PDE10A: variants seen among roughly 807,000 people sequenced by gnomAD.
The protein encoded by PDE10A is cAMP and cAMP-inhibited cGMP 3',5'-cyclic phosphodiesterase 10A.
A neutral mutation model predicts 97.7 loss-of-function variants in PDE10A; 39 were observed. The observed-to-expected ratio is 0.40, with a 90% CI of 0.31 to 0.52. The LOEUF (loss-of-function observed/expected upper bound fraction) is 0.52. Ranked by LOEUF, PDE10A falls within the 20% of genes least tolerant of loss-of-function variation. The pLI, the probability that PDE10A is intolerant of heterozygous loss-of-function variation, is 0.56. For missense variants in PDE10A, 731 were observed against 1,047.8 expected (o/e 0.70, Z 4.17); for synonymous variants, 371 against 376.8 (o/e 0.98, Z 0.18).
chr6:165,369,254 G>C (rs190831071), intron 18 of PDE10A, among the ~76,000 whole-genome samples: 137 of 152,260 alleles, frequency 9.0e-4, no homozygotes, highest in Non-Finnish European at 1.6e-3. Context: ...GCTGAGAGCA[G>C]AAGGCTTCAG....
At chr6:165,917,253 C>T (rs1336492603) in intron 1 of PDE10A, among the ~76,000 whole-genome samples, 1 of 152,210 alleles carries the variant, frequency 6.6e-6, no homozygotes, top group African/African-American at 2.4e-5. Flanking sequence ...CAGCGGACAT[C>T]TCTTCCTGCT....
chr6:165,495,179 T>C (rs1192919576), intron 2 of PDE10A, among the ~76,000 whole-genome samples: 1 of 152,152 alleles, frequency 6.6e-6, no homozygotes, highest in Non-Finnish European at 1.5e-5. Context: ...GAAAATGACT[T>C]AAATTTCGTG....
chr6:165,512,167 C>G (rs1781543244), intron 2 of PDE10A, among the ~76,000 whole-genome samples: 1 of 151,734 alleles, frequency 6.6e-6, no homozygotes, highest in African/African-American at 2.4e-5. Context: ...AGTCCTTTCT[C>G]TTTCTGATTT....
At chr6:165,374,460 G>C (rs1188171544) in intron 18 of PDE10A, among the ~76,000 whole-genome samples, 1 of 151,598 alleles carries the variant, frequency 6.6e-6, no homozygotes, top group Non-Finnish European at 1.5e-5. Context: ...AATAAAAGCT[G>C]ATATATAAAA....
At chr6:165,958,866 C>T (rs1784275692) in intron 1 of PDE10A, among the ~76,000 whole-genome samples, 1 of 152,192 alleles carries the variant, frequency 6.6e-6, no homozygotes, top group Admixed American at 6.5e-5. Context: ...GCTTCCTCCC[C>T]TCTTGCTTCT....
chr6:165,895,793 T>C (rs1781926606), intron 1 of PDE10A, among the ~76,000 whole-genome samples: 2 of 152,122 alleles, frequency 1.3e-5, no homozygotes, highest in South Asian at 4.1e-4. Context: ...GGCCTCGGCA[T>C]CCTCAGTACT....
At position 165,494,466 on chromosome 6, in the gene PDE10A, G is replaced by A. The variant is rs1000085937; in HGVS notation, c.995-12123C>T. 3.7e-5 allele frequency among the ~76,000 whole-genome samples: 5 copies of A among 134,122 alleles called. 1 individual carries two copies. Among genetic ancestry groups the A allele is most frequent in the African/African-American group, 1.2e-4 (4 of 33,212 alleles). The allele number at this position is 134,122 out of a possible 152,430, so 88.0% of individuals were successfully genotyped here. ...GGATAAAGAAAATGTGGGGGGGGGTGTGTGTGTGTGTAATACACACAACAA... is the reference window on the plus strand; with the variant it reads ...GGATAAAGAAAATGTGGGGGGGGGTATGTGTGTGTGTAATACACACAACAA... On this transcript the variant is annotated intron_variant, in intron 2 of 21. Coordinates refer to ENST00000539869, the MANE Select transcript of PDE10A (RefSeq NM_001385079.1).
At chr6:165,745,613 TAGTC>T (rs752629729) in intron 1 of PDE10A, among the ~76,000 whole-genome samples, 3 of 152,368 alleles carry the variant, frequency 2.0e-5, no homozygotes, top group South Asian at 4.1e-4. Flanking sequence ...ATATAAAACT[TAGTC>T]AGATAATGTC....
At chr6:165,700,729 T>G (rs9355545) in intron 1 of PDE10A, among the ~76,000 whole-genome samples, 1 of 152,062 alleles carries the variant, frequency 6.6e-6, no homozygotes, top group Non-Finnish European at 1.5e-5. Context: ...CCTTCCATTT[T>G]TGAATAGCAT....
intron 1 of PDE10A, among the ~76,000 whole-genome samples, chr6:165,784,337 C>G (rs1313945086): frequency 2.0e-5 from 3 of 152,212 alleles, no homozygotes; most frequent in Non-Finnish European, 4.4e-5. Context: ...CTCCCATGAG[C>G]ACCTCCTTGG....
intron 1 of PDE10A, among the ~76,000 whole-genome samples, chr6:165,937,340 A>G (rs1218732023): frequency 6.6e-6 from 1 of 152,242 alleles, no homozygotes; most frequent in Non-Finnish European, 1.5e-5. Context: ...GATTTTAACT[A>G]TCTTCTTCTA....
At chr6:165,672,727 C>G (rs1047386558) in intron 1 of PDE10A, among the ~76,000 whole-genome samples, 1 of 152,190 alleles carries the variant, frequency 6.6e-6, no homozygotes, top group African/African-American at 2.4e-5. Context: ...TGAGGCCTCC[C>G]CAGCCACATG....
At chr6:165,460,778 C>G (rs1304628246) in intron 3 of PDE10A, among the ~76,000 whole-genome samples, 1 of 152,086 alleles carries the variant, frequency 6.6e-6, no homozygotes, top group East Asian at 1.9e-4. Flanking sequence ...ATGGGGAGCA[C>G]AAGTTCTAAT....
intron 1 of PDE10A, among the ~76,000 whole-genome samples, chr6:165,545,408 C>T (rs1327250440): frequency 6.6e-6 from 1 of 152,096 alleles, no homozygotes; most frequent in Non-Finnish European, 1.5e-5. Context: ...GTTACTATTA[C>T]TCTACATTTT....
intron 1 of PDE10A, among the ~76,000 whole-genome samples, chr6:165,691,106 T>TCTCTCCCTCC (rs143783728): frequency 2.6e-5 from 1 of 39,094 alleles, no homozygotes; most frequent in Non-Finnish European, 4.5e-5. Flanking sequence ...TCTTTCTCTC[T>TCTCTCCCTCC]CCCCCCCCCC....
rs1788503225 is a variant in PDE10A at position 165,418,898 on chromosome 6, C to T, written c.1654-121G>A. ...CTATACTCTAATTGGTTGGTATTAG[C>T]ATTATAAGTAAATAAATATACAAGT... is the stretch of plus-strand genomic sequence containing the variant. On this transcript the variant is annotated intron_variant, in intron 10 of 21. Coordinates refer to ENST00000539869, the MANE Select transcript of PDE10A (RefSeq NM_001385079.1). This position sits in a 1 kb window ranked among gnomAD's most constrained non-coding sequence, Gnocchi z 4.8. 5 of 698,506 alleles carry T rather than the reference C, an allele frequency of 7.2e-6. No individual in the cohort carries two copies. The highest frequency in any genetic ancestry group is 9.6e-6 in the Non-Finnish European group (4 of 416,400). The allele number at this position is 698,506 out of a possible 1,614,324, so 43.3% of individuals were successfully genotyped here. A position where few individuals can be genotyped will look rare whatever the true frequency, so the allele number is the denominator to read the frequency against.
chr6:165,610,663 C>T (rs966179291), intron 1 of PDE10A, among the ~76,000 whole-genome samples: 5 of 152,160 alleles, frequency 3.3e-5, no homozygotes, highest in Non-Finnish European at 7.3e-5. Context: ...AACACAATGC[C>T]CAGCTTGTAG....
At chr6:165,795,385 G>C (rs1778801067) in intron 1 of PDE10A, among the ~76,000 whole-genome samples, 1 of 151,816 alleles carries the variant, frequency 6.6e-6, no homozygotes, top group Non-Finnish European at 1.5e-5. Flanking sequence ...GTGAGTGACG[G>C]GAGCTACACG....
intron 1 of PDE10A, among the ~76,000 whole-genome samples, chr6:165,862,962 G>A (rs1780948837): frequency 6.6e-6 from 1 of 152,230 alleles, no homozygotes; most frequent in South Asian, 2.1e-4. Flanking sequence ...TTATAGGCAT[G>A]AGCCACCACA....
Sources: allele counts gnomAD v4.1 joint callset (sites outside exome capture counted in the v4.1 genomes callset), GRCh38; gene constraint gnomAD v4.1.1; non-coding constraint Gnocchi (gnomAD v3.1); transcripts MANE v1.5; gene names NCBI Gene and HGNC (gene_info 2026-07-23, HGNC 2026-07-21).